The following TTC27 variants were observed in gnomAD, a reference collection of about 807,000 sequenced individuals.
The protein encoded by TTC27 is tetratricopeptide repeat protein 27.
Under a neutral mutation model 115.9 loss-of-function variants are expected in TTC27, and 79 were observed. The ratio of observed to expected loss-of-function variants is 0.68; its 90% CI spans 0.57 to 0.82. TTC27 has a LOEUF of 0.82. Ranked by LOEUF, TTC27 falls within the 40% of genes least tolerant of loss-of-function variation. The probability of loss-of-function intolerance (pLI) is 0.00; values close to 1 mark genes in which losing one functional copy is unlikely to be tolerated. For synonymous variants in TTC27, 401 were observed against 356.0 expected, an observed-to-expected ratio of 1.13 and a Z score of -1.42; for missense variants, 1,054 against 993.1, an observed-to-expected ratio of 1.06 and a Z score of -0.82.
At chr2:32,650,861 C>T (rs1273870056) in intron 5 of TTC27, among the ~76,000 whole-genome samples, 1 of 152,124 alleles carries the variant, frequency 6.6e-6, no homozygotes, top group East Asian at 1.9e-4. Flanking sequence ...ATAAGCCAAA[C>T]ATCCATGTAA....
chr2:32,790,877 G>T (rs1262411449), intron 16 of TTC27, among the ~76,000 whole-genome samples: 1 of 152,020 alleles, frequency 6.6e-6, no homozygotes, highest in African/African-American at 2.4e-5. Context: ...TATGGTTTTC[G>T]CTAAGATCAT....
chr2:32,731,974 C>T (rs1056200569), intron 10 of TTC27, among the ~76,000 whole-genome samples: 1 of 151,916 alleles, frequency 6.6e-6, no homozygotes, highest in Admixed American at 6.6e-5. Context: ...TAATTTTTTG[C>T]ATGTTATTAG....
At chr2:32,656,332 G>T (rs919409672) in intron 5 of TTC27, among the ~76,000 whole-genome samples, 1 of 152,170 alleles carries the variant, frequency 6.6e-6, no homozygotes, top group African/African-American at 2.4e-5. Context: ...TCTGAACCGG[G>T]AGGTCAGAGA....
chr2:32,766,480 C>G (rs1290544894), intron 13 of TTC27: 3 of 455,452 alleles, frequency 6.6e-6, no homozygotes, highest in African/African-American at 6.0e-5. Flanking sequence ...AAGCGGGAGG[C>G]CTGAGGAGAG....
chr2:32,742,521 T>C (rs1050257291), intron 12 of TTC27, among the ~76,000 whole-genome samples: 9 of 152,146 alleles, frequency 5.9e-5, no homozygotes, highest in African/African-American at 2.2e-4. Flanking sequence ...AGAGAGTAAG[T>C]AGGAGTAGAC....
At chr2:32,719,391 G>C (rs1038030805) in intron 10 of TTC27, among the ~76,000 whole-genome samples, 2 of 152,188 alleles carry the variant, frequency 1.3e-5, no homozygotes, top group Admixed American at 1.3e-4. Flanking sequence ...CAGATAACAG[G>C]TATTGAGGTT....
Position 32,736,771 on chromosome 2 carries a change from G to A in TTC27, c.1407G>A (p.Trp469Ter), listed in dbSNP as rs1404681571. The A allele has an allele frequency of 6.2e-7, 1 of 1,614,004 alleles. No individual in the cohort carries two copies. The highest frequency in any genetic ancestry group is 1.7e-5 in the Admixed American group (1 of 59,996). The change falls in exon 12 of 20, where the codon TGG (tryptophan) becomes TGA (stop). Residue 469 changes from tryptophan (W) to a stop codon, truncating the protein, a stop_gained. Transcript: ENST00000317907. LOFTEE classifies it high-confidence loss of function. Reference sequence around the variant, plus strand: ...AGATATTTGAAAAGCTAGAAATGTGGGAAGATGTTGTCATTTGTTATGAAA... The same window carrying A: ...AGATATTTGAAAAGCTAGAAATGTGAGAAGATGTTGTCATTTGTTATGAAA... ...ALQIFEKLEMWEDVVICYERA... is the reference protein window; with the variant it reads ...ALQIFEKLEM
intron 16 of TTC27, among the ~76,000 whole-genome samples, 161 bp from the exon 17 acceptor site, chr2:32,810,863 A>T (rs1316867478): frequency 6.6e-6 from 1 of 152,158 alleles, no homozygotes; most frequent in Non-Finnish European, 1.5e-5. Context: ...GTGCTTTAGG[A>T]TTGAATTTTA....
chr2:32,691,450 C>T (rs1666807462), intron 9 of TTC27, among the ~76,000 whole-genome samples: 1 of 151,950 alleles, frequency 6.6e-6, no homozygotes. Flanking sequence ...AGGCACACGC[C>T]ACTGCACCCA....
intron 9 of TTC27, among the ~76,000 whole-genome samples, chr2:32,700,082 G>T (rs1468086573): frequency 6.6e-6 from 1 of 152,168 alleles, no homozygotes; most frequent in Non-Finnish European, 1.5e-5. Context: ...GAGCACCGTT[G>T]CCCATGCCCA....
rs548821790 is a variant in TTC27, at chr2:32,661,526, T to A, written c.641-2777T>A. Among the ~76,000 whole-genome samples the A allele has an allele frequency of 2.0e-5, 3 of 152,280 alleles. No individual in the cohort carries two copies. In the East Asian group the frequency reaches 5.8e-4, roughly 29 times the overall value. Reference sequence around the variant, plus strand: ...GTTCCTAGGTATTTTATTCTCTTTGTAGCAATTTTGAATGGGAGTTCACTC... The same window carrying A: ...GTTCCTAGGTATTTTATTCTCTTTGAAGCAATTTTGAATGGGAGTTCACTC... On this transcript the variant is annotated intron_variant, in intron 5 of 19. Coordinates refer to ENST00000317907, the MANE Select transcript of TTC27 (RefSeq NM_017735.5).
chr2:32,683,055 C>T (rs1666497600), intron 9 of TTC27, among the ~76,000 whole-genome samples: 1 of 151,792 alleles, frequency 6.6e-6, no homozygotes, highest in Non-Finnish European at 1.5e-5. Context: ...TGGGGTTTCA[C>T]TGTGTTAGCT....
intron 18 of TTC27, among the ~76,000 whole-genome samples, chr2:32,816,513 C>T (rs143896801): frequency 6.6e-6 from 1 of 152,256 alleles, no homozygotes; most frequent in Non-Finnish European, 1.5e-5. Flanking sequence ...TTGTACAAAG[C>T]TCTTCACTCG....
At chr2:32,659,908 T>G (rs140853173) in intron 5 of TTC27, among the ~76,000 whole-genome samples, 38,360 of 152,082 alleles carry the variant, frequency 0.25, 6,760 homozygotes, top group African/African-American at 0.5. Flanking sequence ...CTTTATCCAG[T>G]CTATCATTGA....
At chr2:32,693,079 A>G (rs906462422) in intron 9 of TTC27, among the ~76,000 whole-genome samples, 1 of 152,232 alleles carries the variant, frequency 6.6e-6, no homozygotes, top group Admixed American at 6.5e-5. Flanking sequence ...TAAAATTTCA[A>G]GTCTTTCCAA....
Position 32,811,165 on chromosome 2 carries a change from C to T in TTC27, c.2140C>T (p.Leu714=). The T allele has an allele frequency of 6.2e-7, 1 of 1,614,126 alleles. No homozygotes were observed. The highest frequency in any genetic ancestry group is 8.5e-7 in the Non-Finnish European group (1 of 1,180,018). ...GACAAATGATGGAGAAATCTGGAGGCTGTATGCCCACGTATATGGAAATGG... is the reference window on the plus strand; with the variant it reads ...GACAAATGATGGAGAAATCTGGAGGTTGTATGCCCACGTATATGGAAATGG... ...RVTNDGEIWR[L]YAHVYGNGQS... is the part of the protein sequence containing the mutation. The change falls in exon 17 of 20, where the codon CTG becomes TTG. Residue 714 remains leucine (L), a synonymous_variant. Transcript: ENST00000317907.
At chr2:32,770,291 C>T (rs560426962) in intron 13 of TTC27, among the ~76,000 whole-genome samples, 30 of 152,226 alleles carry the variant, frequency 2.0e-4, no homozygotes, top group African/African-American at 6.7e-4. Flanking sequence ...ATTGTTTTTA[C>T]CCTACTTTCA....
intron 5 of TTC27, among the ~76,000 whole-genome samples, chr2:32,652,418 A>G (rs1214446922): frequency 6.6e-6 from 1 of 152,058 alleles, no homozygotes; most frequent in African/African-American, 2.4e-5. Context: ...AATAAAAGGT[A>G]GGAACCATAT....
chr2:32,787,983 A>C (rs1302525854), intron 16 of TTC27, among the ~76,000 whole-genome samples: 4 of 152,192 alleles, frequency 2.6e-5, no homozygotes, highest in Admixed American at 2.6e-4. Flanking sequence ...CCATTGAGAT[A>C]GTTCTTCCTT....
Sources: allele counts gnomAD v4.1 joint callset (sites outside exome capture counted in the v4.1 genomes callset), GRCh38; gene constraint gnomAD v4.1.1; transcripts MANE v1.5; gene names NCBI Gene and HGNC (gene_info 2026-07-23, HGNC 2026-07-21).